The following SLC6A14 variants were observed in gnomAD, a reference collection of about 807,000 sequenced individuals.
SLC6A14 encodes the protein sodium- and chloride-dependent neutral and basic amino acid transporter B(0+).
SLC6A14 carries 21 observed loss-of-function variants against 51.4 expected under a neutral mutation model. That is an observed-to-expected ratio of 0.41 (90% CI 0.29 to 0.59). The LOEUF is 0.59. Among genes scored for constraint, SLC6A14 ranks in the 20% least tolerant of loss-of-function variants. The probability of loss-of-function intolerance (pLI) is 0.31; values close to 1 mark genes in which losing one functional copy is unlikely to be tolerated. For missense variants in SLC6A14, 371 were observed against 472.8 expected, an observed-to-expected ratio of 0.78 and a Z score of 2.00; for synonymous variants, 177 against 160.7, an observed-to-expected ratio of 1.10 and a Z score of -0.77.
At chrX:116,453,499 G>A (rs1158802173) in intron 9 of SLC6A14, among the ~76,000 whole-genome samples, 2 of 110,272 alleles carry the variant, frequency 1.8e-5, no homozygotes, top group Non-Finnish European at 3.8e-5. Flanking sequence ...TTATATGTCT[G>A]TACATATCAT....
In SLC6A14 at chrX:116,443,748, A is replaced by T. The variant is rs1927648751; in HGVS notation, c.614A>T (p.Glu205Val). The T allele has an allele frequency of 2.5e-6, 3 of 1,205,853 alleles. No homozygotes were observed. Among genetic ancestry groups the T allele is most frequent in the African/African-American group, 3.5e-5 (2 of 56,998 alleles). The change falls in exon 5 of 14, where the codon GAA becomes GTA. Residue 205 changes from glutamate to valine, a missense_variant. Transcript: ENST00000598581. ...INNFTCINGS[E>V]IYQPGQLPSE... ...AATTTTACCTGCATCAACGGCAGTG[A>T]AATTTATCAGCCAGGGCAGCTTCCC...
chrX:116,457,684 G>C lies in SLC6A14; in HGVS notation c.1690G>C (p.Ala564Pro). ...AATTCCATACCCTGACTGGGGAGTT[G>C]CTTTAGGCTGGTGTATGATTGTTTT... Reference protein sequence around the residue: ...GAIPYPDWGVALGWCMIVFCI... With the variant: ...GAIPYPDWGVPLGWCMIVFCI... Residue 564 changes from alanine to proline, a missense_variant, in exon 13 of 14, where the codon GCT becomes CCT. This residue lies in a region of SLC6A14 where 94 missense variants were observed against 81.0 expected (regional missense o/e 1.16). Transcript: ENST00000598581. 8.3e-7 allele frequency: 1 copy of C among 1,202,366 alleles called. No individual in the cohort carries two copies. The highest frequency in any genetic ancestry group is 1.1e-6 in the Non-Finnish European group (1 of 887,201).
chrX:116,458,505 G>A (rs782567430), intron 13 of SLC6A14, among the ~76,000 whole-genome samples: 8 of 111,411 alleles, frequency 7.2e-5, no homozygotes, highest in Non-Finnish European at 1.5e-4. Flanking sequence ...TGAAGGTACA[G>A]AGTAGTCACT....
chrX:116,457,213 A>G (rs782004774), intron 12 of SLC6A14, among the ~76,000 whole-genome samples: 13 of 111,732 alleles, frequency 1.2e-4, no homozygotes, highest in Non-Finnish European at 2.5e-4. Context: ...ATATGCTGGC[A>G]TGTAGATTTA....
chrX:116,447,199 C>T lies in SLC6A14; in HGVS notation c.930+318C>T, dbSNP rs377608499. ...AAACAATATTTCATGCATAAATACC[C>T]GCAAGTTGATGATTGGGGCTATGTG... On this transcript the variant is annotated intron_variant, in intron 7 of 13. Coordinates refer to ENST00000598581, the MANE Select transcript of SLC6A14 (RefSeq NM_007231.5). Among the ~76,000 whole-genome samples the T allele has an allele frequency of 1.1e-4, 12 of 111,423 alleles. No individual in the cohort carries two copies. The East Asian group carries it at 2.3e-3, about 21-fold the overall frequency.
chrX:116,442,704 G>C lies in SLC6A14; in HGVS notation c.364G>C (p.Val122Leu). ...TTTTCCAGGTGTGGGAATTACAATG[G>C]TCCTGATCTCCATTTTTGTGACAAT... The part of the protein sequence containing the change: ...PLFQGVGITM[V>L]LISIFVTIYY... Residue 122 changes from valine (V) to leucine (L), a missense_variant, in exon 4 of 14, where the codon GTC becomes CTC. Coordinates refer to ENST00000598581, the MANE Select transcript of SLC6A14 (RefSeq NM_007231.5). The C allele has an allele frequency of 8.8e-7, 1 of 1,142,242 alleles. No homozygotes were observed. The highest frequency in any genetic ancestry group is 1.9e-5 in the African/African-American group (1 of 53,876). The allele number at this position is 1,142,242 out of a possible 1,213,427, so 94.1% of individuals were successfully genotyped here. A position where few individuals can be genotyped will look rare whatever the true frequency, so the allele number is the denominator to read the frequency against.
In SLC6A14 at chrX:116,453,050, C is replaced by A; in HGVS notation, c.1193C>A (p.Ala398Asp). 3 of 1,199,579 alleles carry A rather than the reference C, an allele frequency of 2.5e-6. No individual in the cohort carries two copies. Among genetic ancestry groups the A allele is most frequent in the Non-Finnish European group, 3.4e-6 (3 of 887,445 alleles). ...TTGGCATTCATTGCCTATCCAGAGG[C>A]TCTAGCCCAACTCCCAGGTGGTCCA... is the stretch of plus-strand genomic sequence containing the variant. ...FDLAFIAYPE[A>D]LAQLPGGPFW... The change falls in exon 9 of 14, where the codon GCT becomes GAT. Residue 398 changes from alanine to aspartate, a missense_variant. This residue lies in a region of SLC6A14 where 277 missense variants were observed against 391.8 expected (regional missense o/e 0.71). Transcript: ENST00000598581.
chrX:116,455,451 G>A lies in SLC6A14; in HGVS notation c.1599G>A (p.Thr533=), dbSNP rs782476255. Reference sequence around the variant, plus strand: ...GGAGAGCTTGCTGGTTTGTAATTACGCCTATCCTTTTGATTGTAAGTAATA... The same window carrying A: ...GGAGAGCTTGCTGGTTTGTAATTACACCTATCCTTTTGATTGTAAGTAATA... The part of the protein sequence containing the change: ...LWWRACWFVI[T]PILLIAIFIW... The change falls in exon 12 of 14, where the codon ACG becomes ACA. Residue 533 remains threonine (T), a synonymous_variant. Transcript: ENST00000598581. 6.0e-6 allele frequency: 7 copies of A among 1,174,443 alleles called. No individual in the cohort carries two copies. The highest frequency in any genetic ancestry group is 3.5e-5 in the African/African-American group (2 of 56,602).
intron 3 of SLC6A14, among the ~76,000 whole-genome samples, chrX:116,441,342 C>T (rs1187203617): frequency 4.5e-5 from 5 of 112,248 alleles, no homozygotes; most frequent in Non-Finnish European, 7.5e-5. Flanking sequence ...TTAGAAAGCA[C>T]GCTAAAGATG....
chrX:116,453,162 G>T lies in SLC6A14; in HGVS notation c.1285+20G>T, dbSNP rs1556694519. 2.6e-6 allele frequency: 3 copies of T among 1,171,695 alleles called. No homozygotes were observed. On this transcript the variant is annotated intron_variant, in intron 9 of 13. Coordinates refer to ENST00000598581, the MANE Select transcript of SLC6A14 (RefSeq NM_007231.5). Reference sequence around the variant, plus strand: ...CGATTGGTAAGTAATACTTCCAGTGGTAACATATTCCTCTTATATTTCTTT... The same window carrying T: ...CGATTGGTAAGTAATACTTCCAGTGTTAACATATTCCTCTTATATTTCTTT...
intron 3 of SLC6A14, among the ~76,000 whole-genome samples, chrX:116,441,945 T>TTA (rs1210345230): frequency 1.8e-5 from 2 of 112,284 alleles, no homozygotes; most frequent in Admixed American, 1.9e-4. Flanking sequence ...AAATGTTGAT[T>TTA]TATAGATGAA....
rs1224657556 is a variant in SLC6A14, at chrX:116,460,559, CTT to C, written c.*1617_*1618del. ...TCTGAGGGTTTTCTTTTTCTTTTTC[CTT>C]TTTTTTTTTTTTGGTGGGGGGCTGG... On this transcript the variant is annotated 3_prime_UTR_variant, in exon 14 of 14. Coordinates refer to ENST00000598581, the MANE Select transcript of SLC6A14 (RefSeq NM_007231.5). 1.2e-4 allele frequency: 11 copies of C among 89,130 alleles called. No homozygotes were observed. Among genetic ancestry groups the C allele is most frequent in the Non-Finnish European group, 1.5e-4 (7 of 46,941 alleles). 7.3% of individuals were successfully genotyped at this position (89,130 alleles called of 1,213,427 possible).
In SLC6A14 at chrX:116,457,719, T is replaced by C; in HGVS notation, c.1725T>C (p.Ile575=). Residue 575 remains isoleucine (I), a synonymous_variant, in exon 13 of 14, where the codon ATT becomes ATC. Coordinates refer to ENST00000598581, the MANE Select transcript of SLC6A14 (RefSeq NM_007231.5). ...GGTGTATGATTGTTTTCTGCATTATTTGGATTCCAATTATGGCTATCATAA... is the reference window on the plus strand; with the variant it reads ...GGTGTATGATTGTTTTCTGCATTATCTGGATTCCAATTATGGCTATCATAA... The part of the protein sequence containing the change: ...LGWCMIVFCI[I]WIPIMAIIKI... 8.3e-7 allele frequency: 1 copy of C among 1,203,367 alleles called. No individual in the cohort carries two copies. The highest frequency in any genetic ancestry group is 3.0e-5 in the East Asian group (1 of 33,776).
chrX:116,450,529 A>T (rs1927802557), intron 7 of SLC6A14, among the ~76,000 whole-genome samples: 1 of 112,002 alleles, frequency 8.9e-6, no homozygotes, highest in South Asian at 3.7e-4. Context: ...ACACACCTAC[A>T]TATGGGGAAT....
intron 6 of SLC6A14, 122 bp downstream of exon 6, chrX:116,445,172 GC>G: frequency 1.5e-6 from 1 of 673,473 alleles, no homozygotes; most frequent in South Asian, 3.8e-5. Context: ...TGTGTGAAAA[GC>G]TTTCTAAATA....
intron 7 of SLC6A14, among the ~76,000 whole-genome samples, chrX:116,451,131 T>C (rs1927814707): frequency 1.8e-5 from 2 of 111,933 alleles, no homozygotes; most frequent in South Asian, 7.3e-4. Flanking sequence ...TATGTTTACG[T>C]GCATTAAGAT....
intron 7 of SLC6A14, among the ~76,000 whole-genome samples, chrX:116,448,252 CT>C (rs1291340114): frequency 8.9e-6 from 1 of 111,864 alleles, no homozygotes; most frequent in South Asian, 3.6e-4. Flanking sequence ...CTTTGGTTAC[CT>C]TTTTTTGTGC....
intron 12 of SLC6A14, 99 bp downstream of exon 12, chrX:116,455,565 A>T (rs1927918369): frequency 1.7e-6 from 1 of 605,839 alleles, no homozygotes; most frequent in South Asian, 3.1e-5. Flanking sequence ...TTAATTTTAT[A>T]AAGGAATGAT....
chrX:116,449,287 A>C (rs1489474330), intron 7 of SLC6A14, among the ~76,000 whole-genome samples: 1 of 111,767 alleles, frequency 8.9e-6, no homozygotes, highest in Non-Finnish European at 1.9e-5. Flanking sequence ...GGAGATTAAA[A>C]CTATGTTTGG....
Sources: allele counts gnomAD v4.1 joint callset (sites outside exome capture counted in the v4.1 genomes callset), GRCh38; gene constraint gnomAD v4.1.1; regional missense constraint gnomAD v4.1.1; transcripts MANE v1.5; gene names NCBI Gene and HGNC (gene_info 2026-07-23, HGNC 2026-07-21).